The following SLC4A7 variants were observed in gnomAD, a reference collection of about 807,000 sequenced individuals.
The protein encoded by SLC4A7 is sodium bicarbonate cotransporter 3.
A neutral mutation model predicts 137.6 loss-of-function variants in SLC4A7; 51 were observed. The ratio of observed to expected loss-of-function variants is 0.37; its 90% CI spans 0.30 to 0.47. The LOEUF (loss-of-function observed/expected upper bound fraction) is 0.47, where lower values mean the gene tolerates loss of function less well. Ranked by LOEUF, SLC4A7 falls within the 20% of genes least tolerant of loss-of-function variation. The pLI is 1.00. For missense variants in SLC4A7, 1,247 were observed against 1,525.4 expected (o/e 0.82, Z 3.04); for synonymous variants, 542 against 518.6 (o/e 1.05, Z -0.61).
chr3:27,443,815 A>G (rs2057397271), intron 3 of SLC4A7, among the ~76,000 whole-genome samples: 1 of 152,198 alleles, frequency 6.6e-6, no homozygotes, highest in Non-Finnish European at 1.5e-5. Flanking sequence ...CAATGAGTTC[A>G]AAATATTTTC....
intron 11 of SLC4A7, among the ~76,000 whole-genome samples, chr3:27,416,925 T>G (rs934104219): frequency 6.6e-6 from 1 of 152,168 alleles, no homozygotes; most frequent in Non-Finnish European, 1.5e-5. Context: ...AATGAGAAAT[T>G]TGTCATCACA....
At position 27,448,636 on chromosome 3, in the gene SLC4A7, A is replaced by G. The variant is rs112076995; in HGVS notation, c.289+15T>C. 1 of 1,598,234 alleles carries G rather than the reference A, an allele frequency of 6.3e-7. No homozygotes were observed. The highest frequency in any genetic ancestry group is 2.2e-5 in the East Asian group (1 of 44,774). ...AGGAACTTTAAACTGCTAAAGAAGAACTGTTTTCTCTTACCATAAGAAGGA... is the reference window on the plus strand; with the variant it reads ...AGGAACTTTAAACTGCTAAAGAAGAGCTGTTTTCTCTTACCATAAGAAGGA... On this transcript the variant is annotated intron_variant, in intron 3 of 25. Transcript: ENST00000454389.
In SLC4A7 at chr3:27,395,008, A is replaced by G; in HGVS notation, c.2811T>C (p.Phe937=). ...IPALLCTILI[F]MDQQITAVII... ...TTACAGCTGTGATTTGTTGATCCATAAAGATGAGAATGGTACAAAGCAAAG... is the reference window on the plus strand; with the variant it reads ...TTACAGCTGTGATTTGTTGATCCATGAAGATGAGAATGGTACAAAGCAAAG... Residue 937 remains phenylalanine (F), a synonymous_variant, in exon 19 of 26, where the codon TTT becomes TTC. Coordinates refer to ENST00000454389, the MANE Select transcript of SLC4A7 (RefSeq NM_001321103.2). The G allele has an allele frequency of 3.1e-6, 5 of 1,608,290 alleles. No individual in the cohort carries two copies. In the South Asian group the frequency reaches 5.6e-5, roughly 18 times the overall value.
chr3:27,394,418 A>G (rs780697597), intron 20 of SLC4A7, 100 bp downstream of exon 20: 53 of 1,082,096 alleles, frequency 4.9e-5, no homozygotes, highest in Non-Finnish European at 6.8e-5. Flanking sequence ...AAACAAACCT[A>G]ATTTTAGGTA....
At chr3:27,460,746 T>C (rs1012841027) in intron 1 of SLC4A7, among the ~76,000 whole-genome samples, 3 of 152,230 alleles carry the variant, frequency 2.0e-5, no homozygotes, top group Admixed American at 1.3e-4. Context: ...AAAATCATTT[T>C]ACTCGATACG....
chr3:27,409,933 C>T (rs935186603), intron 12 of SLC4A7, among the ~76,000 whole-genome samples: 1 of 152,130 alleles, frequency 6.6e-6, no homozygotes, highest in Non-Finnish European at 1.5e-5. Context: ...ATCACAAATA[C>T]AAGGAAGGCA....
At chr3:27,395,161 T>C (rs1041650611) in intron 18 of SLC4A7, 46 bp from the exon 19 acceptor site, 16 of 1,391,354 alleles carry the variant, frequency 1.1e-5, no homozygotes, top group Non-Finnish European at 1.6e-5. Context: ...CCTTGCTGTA[T>C]TGCACTAAAT....
chr3:27,443,258 G>A (rs2150466703), intron 3 of SLC4A7, among the ~76,000 whole-genome samples: 1 of 151,946 alleles, frequency 6.6e-6, no homozygotes, highest in Admixed American at 6.5e-5. Flanking sequence ...TCGAACTCCT[G>A]ACCTCAGGTG....
chr3:27,433,958 T>C lies in SLC4A7; in HGVS notation c.736A>G (p.Ile246Val), dbSNP rs1370422111. The stretch of plus-strand genomic sequence containing the variant: ...TGAGGGTCAGAATGTTTCTTGCCTA[T>C]ATCTGCAAAAGATCGAACAAGAGGA... Reference protein sequence around the residue: ...RIPLVRSFADIGKKHSDPHLL... With the variant: ...RIPLVRSFADVGKKHSDPHLL... Residue 246 changes from isoleucine (I) to valine (V), a missense_variant, in exon 6 of 26, where the codon ATA (isoleucine) becomes GTA (valine). Around this residue, in one of 6 missense-constraint regions of SLC4A7, gnomAD observed 223 missense variants for 203.6 expected, o/e 1.10. Coordinates refer to ENST00000454389, the MANE Select transcript of SLC4A7 (RefSeq NM_001321103.2). 8 of 1,613,964 alleles carry C rather than the reference T, an allele frequency of 5.0e-6. No individual in the cohort carries two copies. The highest frequency in any genetic ancestry group is 6.8e-6 in the Non-Finnish European group (8 of 1,179,908).
intron 20 of SLC4A7, among the ~76,000 whole-genome samples, chr3:27,392,541 G>A (rs574693853): frequency 7.2e-5 from 11 of 152,228 alleles, no homozygotes; most frequent in South Asian, 2.1e-4. Flanking sequence ...CGAAGCAGAC[G>A]TATTTTAAAA....
At chr3:27,403,629 C>A (rs1417816625) in intron 14 of SLC4A7, among the ~76,000 whole-genome samples, 1 of 151,892 alleles carries the variant, frequency 6.6e-6, no homozygotes, top group South Asian at 2.1e-4. Context: ...GTTTATTACA[C>A]TTATATAAAA....
At chr3:27,404,733 G>T in intron 14 of SLC4A7, 97 bp downstream of exon 14, 1 of 1,016,466 alleles carries the variant, frequency 9.8e-7, no homozygotes, top group Non-Finnish European at 1.4e-6. Flanking sequence ...TGCATATATT[G>T]ACCAAATTAC....
intron 1 of SLC4A7, among the ~76,000 whole-genome samples, chr3:27,474,263 C>T (rs35605663): frequency 0.21 from 32,519 of 152,046 alleles, 3,570 homozygotes; most frequent in Non-Finnish European, 0.25. Context: ...ATCATCTCCA[C>T]TAAATAACTG....
Position 27,398,340 on chromosome 3 carries a change from A to T in SLC4A7, c.2441T>A (p.Leu814His). The T allele has an allele frequency of 1.9e-6, 3 of 1,593,474 alleles. No homozygotes were observed. The highest frequency in any genetic ancestry group is 2.3e-5 in the South Asian group (2 of 86,912). ...AGCTGACCCCAAGAATACACCACGA[A>T]GTTTTTTACATTCCTGGAAAAAAGG... is the stretch of plus-strand genomic sequence containing the variant. ...RNLTVSECKKLRGVFLGSACG... is the reference protein window; with the variant it reads ...RNLTVSECKKHRGVFLGSACG... Residue 814 changes from leucine to histidine, a missense_variant, in exon 17 of 26, where the codon CTT becomes CAT. Around this residue, in one of 6 missense-constraint regions of SLC4A7, gnomAD observed 499 missense variants for 664.2 expected, o/e 0.75. Transcript: ENST00000454389.
chr3:27,422,519 T>C (rs1473808179), intron 8 of SLC4A7, among the ~76,000 whole-genome samples: 1 of 152,178 alleles, frequency 6.6e-6, no homozygotes, highest in Admixed American at 6.6e-5. Flanking sequence ...TTCTCTTGCC[T>C]CAGCCTCCCA....
At chr3:27,467,152 TC>T (rs1432206444) in intron 1 of SLC4A7, among the ~76,000 whole-genome samples, 2 of 152,152 alleles carry the variant, frequency 1.3e-5, no homozygotes, top group African/African-American at 4.8e-5. Flanking sequence ...TAAAATCATG[TC>T]CCACTTCCAG....
At chr3:27,405,692 T>TA (rs1304906892) in intron 13 of SLC4A7, among the ~76,000 whole-genome samples, 1 of 152,156 alleles carries the variant, frequency 6.6e-6, no homozygotes, top group East Asian at 1.9e-4. Context: ...CCACATATTT[T>TA]AAAGAAATTA....
At chr3:27,461,521 TACA>T (rs2058694000) in intron 1 of SLC4A7, among the ~76,000 whole-genome samples, 1 of 147,508 alleles carries the variant, frequency 6.8e-6, no homozygotes, top group Admixed American at 7.0e-5. Flanking sequence ...GTGATAATCC[TACA>T]ACTTTGGTAG....
At chr3:27,452,536 A>C in intron 1 of SLC4A7, 38 bp from the exon 2 acceptor site, 1 of 1,408,904 alleles carries the variant, frequency 7.1e-7, no homozygotes, top group Non-Finnish European at 9.8e-7. Flanking sequence ...ATGAGATCAC[A>C]ATCTATTGAG....
Sources: allele counts gnomAD v4.1 joint callset (sites outside exome capture counted in the v4.1 genomes callset), GRCh38; gene constraint gnomAD v4.1.1; regional missense constraint gnomAD v4.1.1; transcripts MANE v1.5; gene names NCBI Gene and HGNC (gene_info 2026-07-23, HGNC 2026-07-21).